The following CEP112 variants were observed in gnomAD, a reference collection of about 807,000 sequenced individuals.
CEP112 encodes centrosomal protein 112, also known as centrosomal protein of 112 kDa.
Under a neutral mutation model 153.0 loss-of-function variants are expected in CEP112, and 127 were observed. The ratio of observed to expected loss-of-function variants is 0.83; its 90% CI spans 0.72 to 0.96. CEP112 has a LOEUF of 0.96. CEP112 is among the 40% of genes least tolerant of loss of function. The pLI, the probability that CEP112 is intolerant of heterozygous loss-of-function variation, is 0.00. For synonymous variants in CEP112, 358 were observed against 374.4 expected, an observed-to-expected ratio of 0.96 and a Z score of 0.51; for missense variants, 1,089 against 1,101.2, an observed-to-expected ratio of 0.99 and a Z score of 0.16.
At chr17:65,781,044 A>G (rs2053968771) in intron 21 of CEP112, among the ~76,000 whole-genome samples, 1 of 152,284 alleles carries the variant, frequency 6.6e-6, no homozygotes, top group African/African-American at 2.4e-5. Context: ...AATATAAAAC[A>G]GTGGTCTCAA....
chr17:65,900,154 C>G (rs1389707411), intron 20 of CEP112, among the ~76,000 whole-genome samples: 1 of 152,092 alleles, frequency 6.6e-6, no homozygotes, highest in Non-Finnish European at 1.5e-5. Flanking sequence ...AAGTACAGCT[C>G]ATTGCTAAAA....
intron 23 of CEP112, among the ~76,000 whole-genome samples, chr17:65,742,177 C>A (rs1386850515): frequency 1.3e-5 from 2 of 151,896 alleles, no homozygotes; most frequent in African/African-American, 4.8e-5. Context: ...AGATTGCCTG[C>A]AACAGGCTAT....
At chr17:65,804,359 T>C (rs1210789077) in intron 21 of CEP112, 2 of 152,192 alleles carry the variant, frequency 1.3e-5, no homozygotes, top group Non-Finnish European at 2.9e-5. Flanking sequence ...CATTTATCCA[T>C]TTCAAATGTA....
At chr17:65,789,002 T>G (rs2054439866) in intron 21 of CEP112, among the ~76,000 whole-genome samples, 1 of 152,194 alleles carries the variant, frequency 6.6e-6, no homozygotes, top group Admixed American at 6.6e-5. Flanking sequence ...TCTCCCTTTT[T>G]AATCCATTCC....
intron 6 of CEP112, among the ~76,000 whole-genome samples, chr17:66,109,354 T>C (rs1211912790): frequency 2.0e-5 from 3 of 152,182 alleles, no homozygotes; most frequent in African/African-American, 7.2e-5. Flanking sequence ...ATGTATCATA[T>C]GCCTGTTATC....
chr17:65,938,426 A>G (rs1568262045), intron 18 of CEP112, among the ~76,000 whole-genome samples: 2 of 146,798 alleles, frequency 1.4e-5, no homozygotes, highest in African/African-American at 2.5e-5. Flanking sequence ...AAAAAAAAAA[A>G]AAAAAAGAAA....
chr17:65,746,336 A>C (rs2051468333), intron 22 of CEP112, among the ~76,000 whole-genome samples: 1 of 152,064 alleles, frequency 6.6e-6, no homozygotes, highest in Non-Finnish European at 1.5e-5. Flanking sequence ...GAAAATAATG[A>C]GATTATTTTT....
chr17:65,832,656 G>T (rs2057133227), intron 21 of CEP112, among the ~76,000 whole-genome samples: 1 of 150,604 alleles, frequency 6.6e-6, no homozygotes, highest in Non-Finnish European at 1.5e-5. Flanking sequence ...GAACAAGGAA[G>T]AAATTTATTT....
intron 16 of CEP112, among the ~76,000 whole-genome samples, chr17:66,025,739 T>A (rs1488481847): frequency 6.6e-6 from 1 of 152,082 alleles, no homozygotes; most frequent in Admixed American, 6.6e-5. Flanking sequence ...GAAAACAGTA[T>A]AGAGACTTCT....
chr17:65,968,839 T>C (rs1408178642), intron 17 of CEP112, among the ~76,000 whole-genome samples: 1 of 146,774 alleles, frequency 6.8e-6, no homozygotes, highest in Non-Finnish European at 1.5e-5. Flanking sequence ...TTTCTTTAAA[T>C]CTGTACATAC....
chr17:65,929,161 A>G (rs145466017), intron 18 of CEP112, among the ~76,000 whole-genome samples: 1 of 152,328 alleles, frequency 6.6e-6, no homozygotes, highest in East Asian at 1.9e-4. Context: ...ATTTTTTAAA[A>G]CCACTGAATT....
At chr17:65,828,781 T>C (rs2056953724) in intron 21 of CEP112, among the ~76,000 whole-genome samples, 1 of 152,142 alleles carries the variant, frequency 6.6e-6, no homozygotes, top group Non-Finnish European at 1.5e-5. Flanking sequence ...ATCCATGTGA[T>C]TATGATGTAC....
intron 21 of CEP112, among the ~76,000 whole-genome samples, chr17:65,815,714 A>C (rs1034001028): frequency 3.9e-5 from 6 of 152,114 alleles, no homozygotes; most frequent in African/African-American, 1.4e-4. Context: ...TCTTGGATAT[A>C]TCCTGTTAAA....
At chr17:65,655,284 G>T (rs2015256) in intron 24 of CEP112, 2 of 1,343,966 alleles carry the variant, frequency 1.5e-6, no homozygotes, top group Non-Finnish European at 1.1e-6. Flanking sequence ...GTTGGGTGCA[G>T]GCTGAGCGAC....
At chr17:65,915,142 G>A (rs1261389561) in intron 19 of CEP112, among the ~76,000 whole-genome samples, 1 of 152,042 alleles carries the variant, frequency 6.6e-6, no homozygotes, top group African/African-American at 2.4e-5. Flanking sequence ...TTCCTCATAT[G>A]TAAGTGTTGG....
At chr17:65,791,796 A>C (rs1247807219) in intron 21 of CEP112, among the ~76,000 whole-genome samples, 1 of 152,228 alleles carries the variant, frequency 6.6e-6, no homozygotes, top group Non-Finnish European at 1.5e-5. Flanking sequence ...CAGCATCGCT[A>C]CAAGAATATT....
intron 6 of CEP112, among the ~76,000 whole-genome samples, chr17:66,097,672 T>G (rs2068404749): frequency 6.6e-6 from 1 of 152,154 alleles, no homozygotes; most frequent in African/African-American, 2.4e-5. Context: ...GGATGACATC[T>G]TCTCAGTTTT....
intron 21 of CEP112, among the ~76,000 whole-genome samples, chr17:65,835,072 C>A (rs955674446): frequency 1.3e-4 from 19 of 151,822 alleles, no homozygotes; most frequent in Non-Finnish European, 2.6e-4. Flanking sequence ...GGCTATTATC[C>A]TTAGAAAACT....
At chr17:66,180,814 T>C (rs2072688808) in intron 2 of CEP112, among the ~76,000 whole-genome samples, 1 of 152,176 alleles carries the variant, frequency 6.6e-6, no homozygotes, top group Non-Finnish European at 1.5e-5. Flanking sequence ...TCTAATCTTT[T>C]AGTTTACAAA....
Sources: allele counts gnomAD v4.1 joint callset (sites outside exome capture counted in the v4.1 genomes callset), GRCh38; gene constraint gnomAD v4.1.1; transcripts MANE v1.5; gene names NCBI Gene and HGNC (gene_info 2026-07-23, HGNC 2026-07-21).